The following TTF2 variants were observed in gnomAD, a reference collection of about 807,000 sequenced individuals.
The protein encoded by TTF2 is transcription termination factor 2.
A neutral mutation model predicts 142.4 loss-of-function variants in TTF2; 108 were observed. The observed-to-expected ratio is 0.76, with a 90% CI of 0.65 to 0.89. TTF2 has a LOEUF of 0.89. TTF2 is among the 40% of genes least tolerant of loss of function. The pLI is 0.00. For synonymous variants in TTF2, 483 were observed against 506.2 expected (o/e 0.95, Z 0.61); for missense variants, 1,327 against 1,379.8 (o/e 0.96, Z 0.61).
Position 117,075,739 on chromosome 1 carries a change from A to AT in TTF2, c.1157dup (p.Asp388Ter), listed in dbSNP as rs758613693. Reference sequence around the variant, plus strand: ...ACTTAGAGACGAAGGAAAACCTCCAATTCCCTGATCGAAGTGTGCAAAGAA... The same window carrying AT: ...ACTTAGAGACGAAGGAAAACCTCCAATTTCCCTGATCGAAGTGTGCAAAGAA... On this transcript the variant is annotated frameshift_variant, in exon 5 of 23. Transcript: ENST00000369466. LOFTEE classifies it high-confidence loss of function. This position sits in a 1 kb window ranked among gnomAD's most constrained non-coding sequence, Gnocchi z 4.5. 1 of 1,614,200 alleles carries AT rather than the reference A, an allele frequency of 6.2e-7. No homozygotes were observed. Among genetic ancestry groups the AT allele is most frequent in the South Asian group, 1.1e-5 (1 of 91,078 alleles).
intron 18 of TTF2, 92 bp from the exon 19 acceptor site, chr1:117,095,217 G>A (rs921375039): frequency 5.3e-5 from 63 of 1,188,252 alleles, no homozygotes; most frequent in African/African-American, 2.4e-4. Context: ...GAGCACAGAC[G>A]CCATGTAGGA....
In TTF2 at chr1:117,075,023, G is replaced by C; in HGVS notation, c.439G>C (p.Glu147Gln). 6.2e-7 allele frequency: 1 copy of C among 1,613,980 alleles called. No individual in the cohort carries two copies. The highest frequency in any genetic ancestry group is 1.7e-5 in the Admixed American group (1 of 59,982). ...LWKQLIKGEG[E>Q]EKKADKKQRE... is the part of the protein sequence containing the mutation. ...GAAACAGCTCATCAAAGGTGAAGGT[G>C]AGGAAAAGAAGGCTGATAAGAAGCA... is the stretch of plus-strand genomic sequence containing the variant. Residue 147 changes from glutamate (E) to glutamine (Q), a missense_variant, in exon 5 of 23, where the codon GAG (glutamate) becomes CAG (glutamine). Physicochemically the swap from Glu to Gln is conservative, Grantham distance 29. Transcript: ENST00000369466. This position sits in a 1 kb window ranked among gnomAD's most constrained non-coding sequence, Gnocchi z 4.5.
chr1:117,104,622 T>C lies in TTF2; in HGVS notation c.*3098T>C, dbSNP rs1469299621. On this transcript the variant is annotated 3_prime_UTR_variant, in exon 23 of 23. Transcript: ENST00000369466. ...GTTATGTCTTGGGTAGGTGTTCTTA[T>C]AGCCGTGAGATGCTACTGACTTGAG... 1 of 152,238 alleles carries C rather than the reference T, an allele frequency of 6.6e-6. No individual in the cohort carries two copies. The highest frequency in any genetic ancestry group is 6.5e-5 in the Admixed American group (1 of 15,284). The allele number at this position is 152,238 out of a possible 1,614,324, so 9.4% of individuals were successfully genotyped here. A position where few individuals can be genotyped will look rare whatever the true frequency, so the allele number is the denominator to read the frequency against.
chr1:117,064,138 T>G (rs1281475338), intron 3 of TTF2, among the ~76,000 whole-genome samples: 2 of 152,174 alleles, frequency 1.3e-5, no homozygotes, highest in Non-Finnish European at 2.9e-5. Context: ...TTTTAAAATT[T>G]TTGTCTTTTT....
At position 117,093,733 on chromosome 1, in the gene TTF2, T is replaced by TA. The variant is rs1478036165; in HGVS notation, c.2976+833dup. ...TCCCATGTGGCCAGAACACACATGC[T>TA]AGTGCCTTCAGAGTGAGCTATTGGG... On this transcript the variant is annotated intron_variant, in intron 18 of 22. Transcript: ENST00000369466. This position sits in a 1 kb window ranked among gnomAD's most constrained non-coding sequence, Gnocchi z 4.5. 6.6e-6 allele frequency among the ~76,000 whole-genome samples: 1 copy of TA among 152,234 alleles called. No homozygotes were observed. The highest frequency in any genetic ancestry group is 1.5e-5 in the Non-Finnish European group (1 of 68,036).
At chr1:117,088,760 T>G (rs764885245) in intron 12 of TTF2, 41 bp from the exon 13 acceptor site, 2 of 1,599,046 alleles carry the variant, frequency 1.3e-6, no homozygotes, top group East Asian at 4.5e-5. Context: ...ACATGTACAT[T>G]TTCCCATATT....
chr1:117,080,429 A>G lies in TTF2; in HGVS notation c.1783+780A>G, dbSNP rs1647396925. Reference sequence around the variant, plus strand: ...CACTGTTTCCTGCAGAAAGGATTTCATAGGGAGTCTCTTTCTAAAGCTGCT... The same window carrying G: ...CACTGTTTCCTGCAGAAAGGATTTCGTAGGGAGTCTCTTTCTAAAGCTGCT... On this transcript the variant is annotated intron_variant, in intron 9 of 22. Coordinates refer to ENST00000369466, the MANE Select transcript of TTF2 (RefSeq NM_003594.4). This position sits in a 1 kb window ranked among gnomAD's most constrained non-coding sequence, Gnocchi z 4.3. Among the ~76,000 whole-genome samples, 2 of 152,190 alleles carry G rather than the reference A, an allele frequency of 1.3e-5. No individual in the cohort carries two copies. The highest frequency in any genetic ancestry group is 1.3e-4 in the Admixed American group (2 of 15,286).
At chr1:117,089,034 A>G (rs552724237) in intron 13 of TTF2, 52 bp downstream of exon 13, 1 of 1,518,596 alleles carries the variant, frequency 6.6e-7, no homozygotes, top group African/African-American at 1.4e-5. Flanking sequence ...GTATCCCTTC[A>G]TCATTATTTC....
rs774548890 is a variant in TTF2 at position 117,092,465 on chromosome 1, C to G, written c.2806-266C>G. Among the ~76,000 whole-genome samples the G allele has an allele frequency of 6.6e-6, 1 of 152,174 alleles. No individual in the cohort carries two copies. The highest frequency in any genetic ancestry group is 1.5e-5 in the Non-Finnish European group (1 of 68,028). Reference sequence around the variant, plus strand: ...AATAATGTATTCTGATTATCAACATCTCAATTATATTCTAGCTTGGAAAAA... The same window carrying G: ...AATAATGTATTCTGATTATCAACATGTCAATTATATTCTAGCTTGGAAAAA... On this transcript the variant is annotated intron_variant, in intron 17 of 22. Coordinates refer to ENST00000369466, the MANE Select transcript of TTF2 (RefSeq NM_003594.4). This position sits in a 1 kb window ranked among gnomAD's most constrained non-coding sequence, Gnocchi z 4.4.
chr1:117,088,885 AC>A lies in TTF2; in HGVS notation c.2246del (p.Thr749IlefsTer3). On this transcript the variant is annotated frameshift_variant, in exon 13 of 23. Coordinates refer to ENST00000369466, the MANE Select transcript of TTF2 (RefSeq NM_003594.4). LOFTEE classifies it high-confidence loss of function. ...AHNVKNPRVQ[T>X]SIAVCKLQAC... Reference sequence around the variant, plus strand: ...CAATGTTAAGAATCCCCGAGTGCAGACTTCCATAGCTGTGTGTAAGCTACAA... The same window carrying A: ...CAATGTTAAGAATCCCCGAGTGCAGATTCCATAGCTGTGTGTAAGCTACAA... 1.9e-6 allele frequency: 3 copies of A among 1,614,194 alleles called. No individual in the cohort carries two copies. The highest frequency in any genetic ancestry group is 2.5e-6 in the Non-Finnish European group (3 of 1,180,032).
chr1:117,083,892 A>C, intron 10 of TTF2, 126 bp from the exon 11 acceptor site: 1 of 1,118,898 alleles, frequency 8.9e-7, no homozygotes, highest in Non-Finnish European at 1.3e-6. Context: ...CAGGAGGATC[A>C]CTTGAGCCTA....
chr1:117,065,988 CTTTTTTTTTTTTTTT>C (rs544726052), intron 3 of TTF2, among the ~76,000 whole-genome samples: 4 of 97,978 alleles, frequency 4.1e-5, no homozygotes, highest in Non-Finnish European at 7.5e-5. Flanking sequence ...CACTATATAC[CTTTTTTTTTTTTTTT>C]TTTTTTTTTT....
At position 117,101,426 on chromosome 1, in the gene TTF2, G is replaced by GA; in HGVS notation, c.3398dup (p.Lys1134GlufsTer22). ...AGAAGAAAAGATCTTACAGCTCCAA[G>GA]AAAAAAAGAAAGATTTGGCCAAACA... On this transcript the variant is annotated frameshift_variant, in exon 23 of 23. Coordinates refer to ENST00000369466, the MANE Select transcript of TTF2 (RefSeq NM_003594.4). LOFTEE classifies it high-confidence loss of function. The surrounding 1 kb of genome is among the most constrained non-coding windows in gnomAD (Gnocchi z 5.9). 1 of 1,608,478 alleles carries GA rather than the reference G, an allele frequency of 6.2e-7. No homozygotes were observed. Among genetic ancestry groups the GA allele is most frequent in the Non-Finnish European group, 8.5e-7 (1 of 1,178,736 alleles).
In TTF2 at chr1:117,073,100, T is replaced by C. The variant is rs1656725004; in HGVS notation, c.219-561T>C. Among the ~76,000 whole-genome samples the C allele has an allele frequency of 6.6e-6, 1 of 152,222 alleles. No homozygotes were observed. Among genetic ancestry groups the C allele is most frequent in the South Asian group, 2.1e-4 (1 of 4,832 alleles). On this transcript the variant is annotated intron_variant, in intron 3 of 22. Coordinates refer to ENST00000369466, the MANE Select transcript of TTF2 (RefSeq NM_003594.4). The surrounding 1 kb of genome is among the most constrained non-coding windows in gnomAD (Gnocchi z 4.4). ...ATCTTTTTTTCTCCCTCGTAACTTATTTGTGGAAGGGATCAGGTTGTTTGT... is the reference window on the plus strand; with the variant it reads ...ATCTTTTTTTCTCCCTCGTAACTTACTTGTGGAAGGGATCAGGTTGTTTGT...
intron 3 of TTF2, among the ~76,000 whole-genome samples, chr1:117,064,485 G>A (rs982586305): frequency 6.7e-6 from 1 of 149,948 alleles, no homozygotes. Context: ...TCCAAGAATT[G>A]TCTAGAAGCT....
Position 117,076,029 on chromosome 1 carries a change from C to T in TTF2, c.1276-151C>T, listed in dbSNP as rs1354065269. 2.3e-6 allele frequency: 3 copies of T among 1,286,874 alleles called. No individual in the cohort carries two copies. The highest frequency in any genetic ancestry group is 3.1e-6 in the Non-Finnish European group (3 of 956,814). 79.7% of individuals were successfully genotyped at this position (1,286,874 alleles called of 1,614,324 possible). On this transcript the variant is annotated intron_variant, in intron 5 of 22. Transcript: ENST00000369466. The surrounding 1 kb of genome is among the most constrained non-coding windows in gnomAD (Gnocchi z 4.6). ...TATATTTTCAAGATTGGTAAGCCAG[C>T]TGGGTTAAAATTTAAAAAAGGTTCT... is the stretch of plus-strand genomic sequence containing the variant.
chr1:117,074,340 C>T (rs1187986914), intron 4 of TTF2, among the ~76,000 whole-genome samples: 1 of 152,112 alleles, frequency 6.6e-6, no homozygotes, highest in Non-Finnish European at 1.5e-5. Flanking sequence ...TACACTGTGG[C>T]CATTGTGATT....
intron 20 of TTF2, among the ~76,000 whole-genome samples, chr1:117,096,595 C>A (rs1649177998): frequency 6.6e-6 from 1 of 152,314 alleles, no homozygotes; most frequent in South Asian, 2.1e-4. Context: ...CCAGGCTGGT[C>A]TTGAACTCCT....
At chr1:117,065,030 A>G (rs1010758516) in intron 3 of TTF2, among the ~76,000 whole-genome samples, 3 of 152,166 alleles carry the variant, frequency 2.0e-5, no homozygotes, top group Admixed American at 2.0e-4. Context: ...AATTGATCCA[A>G]TATATGTAAG....
Sources: allele counts gnomAD v4.1 joint callset (sites outside exome capture counted in the v4.1 genomes callset), GRCh38; gene constraint gnomAD v4.1.1; non-coding constraint Gnocchi (gnomAD v3.1); transcripts MANE v1.5; gene names NCBI Gene and HGNC (gene_info 2026-07-23, HGNC 2026-07-21).